Variants in CNTNAP5 observed in about 807,000 individuals in gnomAD.
The protein encoded by CNTNAP5 is contactin associated protein family member 5, also known as contactin-associated protein-like 5.
In CNTNAP5, 72 loss-of-function variants were observed where a neutral mutation model predicts 150.2. The ratio of observed to expected loss-of-function variants is 0.48; its 90% CI spans 0.40 to 0.58. The LOEUF (loss-of-function observed/expected upper bound fraction) is 0.58, where lower values mean the gene tolerates loss of function less well. Ranked by LOEUF, CNTNAP5 falls within the 20% of genes least tolerant of loss-of-function variation. The probability of loss-of-function intolerance (pLI) is 0.00; values close to 1 mark genes in which losing one functional copy is unlikely to be tolerated. For missense variants in CNTNAP5, 1,636 were observed against 1,626.2 expected (o/e 1.01, Z -0.10); for synonymous variants, 672 against 619.8 (o/e 1.08, Z -1.25).
intron 1 of CNTNAP5, among the ~76,000 whole-genome samples, chr2:124,199,599 G>T (rs145968403): frequency 3.1e-4 from 47 of 151,852 alleles, no homozygotes; most frequent in Non-Finnish European, 5.7e-4. Context: ...ATTTGTAGTA[G>T]AGACGGGGTT....
At chr2:124,053,485 T>C (rs1681762792) in intron 1 of CNTNAP5, among the ~76,000 whole-genome samples, 1 of 152,164 alleles carries the variant, frequency 6.6e-6, no homozygotes, top group Admixed American at 6.5e-5. Context: ...TGAGGCCCCA[T>C]CTGGGGGCAG....
At chr2:124,285,373 T>G (rs757997572) in intron 3 of CNTNAP5, among the ~76,000 whole-genome samples, 3 of 152,198 alleles carry the variant, frequency 2.0e-5, no homozygotes, top group African/African-American at 2.4e-5. Context: ...AACTATATAC[T>G]ATGTAATGCA....
chr2:124,391,685 C>T (rs901737504), intron 3 of CNTNAP5, among the ~76,000 whole-genome samples: 1 of 152,166 alleles, frequency 6.6e-6, no homozygotes, highest in African/African-American at 2.4e-5. Context: ...GCCGGGCGTG[C>T]TGGCTCACGC....
intron 13 of CNTNAP5, among the ~76,000 whole-genome samples, chr2:124,711,053 A>G (rs1229388492): frequency 6.6e-6 from 1 of 152,048 alleles, no homozygotes; most frequent in African/African-American, 2.4e-5. Context: ...CGGGTGGATT[A>G]CGAGGTCAGG....
At position 124,452,328 on chromosome 2, in the gene CNTNAP5, G is replaced by C. The variant is rs571374581; in HGVS notation, c.918+5391G>C. 1.3e-5 allele frequency among the ~76,000 whole-genome samples: 2 copies of C among 152,150 alleles called. 1 individual carries two copies. Among genetic ancestry groups the C allele is most frequent in the African/African-American group, 4.8e-5 (2 of 41,478 alleles). On this transcript the variant is annotated intron_variant, in intron 6 of 23. Coordinates refer to ENST00000682447, the MANE Select transcript of CNTNAP5 (RefSeq NM_001367498.1). ...AGCAAAGGCACCCATAATCCTTCTA[G>C]GAACATAACTTCATTGACCTGGGAA...
At chr2:124,090,359 C>A (rs548214200) in intron 1 of CNTNAP5, among the ~76,000 whole-genome samples, 1 of 152,254 alleles carries the variant, frequency 6.6e-6, no homozygotes, top group South Asian at 2.1e-4. Flanking sequence ...ACTTGCAAAG[C>A]ACTTCCTGAG....
chr2:124,107,896 G>A (rs1474316458), intron 1 of CNTNAP5, among the ~76,000 whole-genome samples: 1 of 152,202 alleles, frequency 6.6e-6, no homozygotes, highest in Non-Finnish European at 1.5e-5. Context: ...CATTGGTTCT[G>A]TCTGGTAGCT....
intron 3 of CNTNAP5, among the ~76,000 whole-genome samples, chr2:124,341,435 A>C (rs1689611796): frequency 6.6e-6 from 1 of 152,106 alleles, no homozygotes; most frequent in African/African-American, 2.4e-5. Context: ...AAATTTCCTT[A>C]GAAGTTTTAC....
At chr2:124,136,875 C>T (rs151205682) in intron 1 of CNTNAP5, among the ~76,000 whole-genome samples, 26 of 152,282 alleles carry the variant, frequency 1.7e-4, no homozygotes, top group Non-Finnish European at 3.2e-4. Flanking sequence ...CAACATGCTC[C>T]CCCTTCACAA....
At position 124,565,047 on chromosome 2, in the gene CNTNAP5, G is replaced by A. The variant is rs1695984575; in HGVS notation, c.1756+1724G>A. Among the ~76,000 whole-genome samples the A allele has an allele frequency of 2.0e-5, 3 of 152,168 alleles. No homozygotes were observed. The South Asian group carries it at 6.2e-4, about 32-fold the overall frequency. On this transcript the variant is annotated intron_variant, in intron 11 of 23. Coordinates refer to ENST00000682447, the MANE Select transcript of CNTNAP5 (RefSeq NM_001367498.1). ...TAGATGCCAATAGGGCTGGAACCCT[G>A]GGATTCCAGCCAAGGATAAGTAACG...
In CNTNAP5 at chr2:124,905,183, C is replaced by T. The variant is rs578095043; in HGVS notation, c.3655+2083C>T. 3.5e-5 allele frequency among the ~76,000 whole-genome samples: 5 copies of T among 144,536 alleles called. No homozygotes were observed. The South Asian group carries it at 1.1e-3, about 31-fold the overall frequency. 94.8% of individuals were successfully genotyped at this position (144,536 alleles called of 152,430 possible). On this transcript the variant is annotated intron_variant, in intron 22 of 23. Transcript: ENST00000682447. The stretch of plus-strand genomic sequence containing the variant: ...CATCCAACAGGTACATGAAAAGGTG[C>T]TTAACATCACTGATCGTCAGGGAAA...
chr2:124,198,285 A>G (rs961636110), intron 1 of CNTNAP5, among the ~76,000 whole-genome samples: 1 of 152,082 alleles, frequency 6.6e-6, no homozygotes, highest in Admixed American at 6.6e-5. Flanking sequence ...TATATTCTAG[A>G]TGCTAATATT....
intron 13 of CNTNAP5, among the ~76,000 whole-genome samples, chr2:124,741,020 C>T (rs1201312735): frequency 6.6e-6 from 1 of 152,124 alleles, no homozygotes; most frequent in African/African-American, 2.4e-5. Flanking sequence ...TTACTCCACC[C>T]CTAAACCCAC....
intron 4 of CNTNAP5, among the ~76,000 whole-genome samples, chr2:124,432,036 G>A (rs1031501985): frequency 5.3e-5 from 8 of 152,290 alleles, no homozygotes; most frequent in Admixed American, 4.6e-4. Flanking sequence ...TGCTGGCTGG[G>A]AGATGAAGAG....
At chr2:124,658,672 A>G (rs1678510210) in intron 13 of CNTNAP5, among the ~76,000 whole-genome samples, 1 of 152,234 alleles carries the variant, frequency 6.6e-6, no homozygotes, top group South Asian at 2.1e-4. Context: ...GTCATACATA[A>G]CAAGTCAAGA....
At chr2:124,470,749 G>T (rs1387274949) in intron 6 of CNTNAP5, among the ~76,000 whole-genome samples, 2 of 152,174 alleles carry the variant, frequency 1.3e-5, no homozygotes, top group South Asian at 2.1e-4. Flanking sequence ...TTTGTATGTG[G>T]TATAAGGAGG....
intron 6 of CNTNAP5, among the ~76,000 whole-genome samples, chr2:124,451,918 T>C (rs981110744): frequency 1.3e-5 from 2 of 152,080 alleles, no homozygotes; most frequent in African/African-American, 4.8e-5. Flanking sequence ...GCTGAGTCAA[T>C]TTCTGCCTTG....
At chr2:124,899,089 A>T (rs1678364946) in intron 21 of CNTNAP5, among the ~76,000 whole-genome samples, 1 of 151,576 alleles carries the variant, frequency 6.6e-6, no homozygotes, top group Non-Finnish European at 1.5e-5. Flanking sequence ...CACGTTAAAC[A>T]TCTTGACTTA....
At chr2:124,505,684 A>G (rs1694390084) in intron 8 of CNTNAP5, among the ~76,000 whole-genome samples, 2 of 152,130 alleles carry the variant, frequency 1.3e-5, no homozygotes, top group Non-Finnish European at 2.9e-5. Flanking sequence ...TCAACATGAA[A>G]CAGTGGAAGT....
Sources: allele counts gnomAD v4.1 joint callset (sites outside exome capture counted in the v4.1 genomes callset), GRCh38; gene constraint gnomAD v4.1.1; transcripts MANE v1.5; gene names NCBI Gene and HGNC (gene_info 2026-07-23, HGNC 2026-07-21).